Variants in SULT2B1 observed in about 807,000 individuals in gnomAD.
The protein encoded by SULT2B1 is sulfotransferase family 2B member 1, also known as sulfotransferase 2B1.
In SULT2B1, 16 loss-of-function variants were observed where a neutral mutation model predicts 33.2. The observed-to-expected ratio is 0.48, with a 90% CI of 0.33 to 0.73. SULT2B1 has a LOEUF of 0.73. SULT2B1 is among the 30% of genes least tolerant of loss of function. The pLI is 0.02. For synonymous variants in SULT2B1, 186 were observed against 200.5 expected, an observed-to-expected ratio of 0.93 and a Z score of 0.61; for missense variants, 500 against 506.0, an observed-to-expected ratio of 0.99 and a Z score of 0.11.
chr19:48,593,741 T>A (rs1973674285), intron 5 of SULT2B1, among the ~76,000 whole-genome samples: 1 of 149,896 alleles, frequency 6.7e-6, no homozygotes, highest in Non-Finnish European at 1.5e-5. Flanking sequence ...TTCAAGCAAT[T>A]CTCCTGCCTC....
chr19:48,564,665 T>A (rs950713915), intron 1 of SULT2B1, among the ~76,000 whole-genome samples: 30 of 152,096 alleles, frequency 2.0e-4, no homozygotes, highest in African/African-American at 6.3e-4. Flanking sequence ...TGGGGTTTTT[T>A]AAATTTTTAA....
chr19:48,571,243 C>G (rs768877419), intron 1 of SULT2B1, among the ~76,000 whole-genome samples: 9 of 150,682 alleles, frequency 6.0e-5, no homozygotes, highest in Non-Finnish European at 1.3e-4. Context: ...TGTCCCCAGG[C>G]TGGAGTGCAG....
intron 2 of SULT2B1, among the ~76,000 whole-genome samples, chr19:48,576,637 A>G (rs990544725): frequency 1.9e-4 from 21 of 108,664 alleles, no homozygotes; most frequent in African/African-American, 7.2e-4. Flanking sequence ...ACCAAATTGT[A>G]TACTTTTTTT....
chr19:48,579,636 C>T (rs1344763266), intron 2 of SULT2B1, among the ~76,000 whole-genome samples: 1 of 100,548 alleles, frequency 9.9e-6, no homozygotes, highest in African/African-American at 3.8e-5. Context: ...GACGAAGTCT[C>T]GCTCTTGTCC....
intron 2 of SULT2B1, among the ~76,000 whole-genome samples, chr19:48,586,539 A>C (rs1401730560): frequency 1.3e-5 from 2 of 152,100 alleles, no homozygotes; most frequent in East Asian, 3.9e-4. Context: ...CGCCACCTAT[A>C]CTTCCTTGGC....
At chr19:48,591,829 G>A (rs182530162) in intron 4 of SULT2B1, 94 bp downstream of exon 4, 12 of 1,399,418 alleles carry the variant, frequency 8.6e-6, no homozygotes, top group Non-Finnish European at 1.1e-5. Flanking sequence ...GAAAGGGAGA[G>A]AGACAGAGAC....
chr19:48,599,006 G>A lies in SULT2B1; in HGVS notation c.827-129G>A. The A allele has an allele frequency of 4.1e-6, 6 of 1,447,752 alleles. No homozygotes were observed. In the South Asian group the frequency reaches 8.4e-5, roughly 20 times the overall value. 89.7% of individuals were successfully genotyped at this position (1,447,752 alleles called of 1,614,324 possible). ...AGGGGGCAATGTGGAGGGTAGGGAG[G>A]ACGGTGTTTCTGGCAAAGGGAACAC... On this transcript the variant is annotated intron_variant, in intron 6 of 6. Transcript: ENST00000201586. This position sits in a 1 kb window ranked among gnomAD's most constrained non-coding sequence, Gnocchi z 4.1.
chr19:48,588,963 G>C (rs1240344074), intron 3 of SULT2B1, among the ~76,000 whole-genome samples: 1 of 152,218 alleles, frequency 6.6e-6, no homozygotes, highest in African/African-American at 2.4e-5. Flanking sequence ...GTGCAGGGCC[G>C]CGTGGGCCCG....
At chr19:48,578,375 C>T (rs1322040645) in intron 2 of SULT2B1, among the ~76,000 whole-genome samples, 16 of 151,950 alleles carry the variant, frequency 1.1e-4, no homozygotes, top group East Asian at 5.8e-4. Context: ...TGAGCCTAGG[C>T]GTTCGAGAGC....
chr19:48,562,604 TTTA>T (rs558527315), intron 1 of SULT2B1, among the ~76,000 whole-genome samples: 157 of 152,178 alleles, frequency 1.0e-3, no homozygotes, highest in Non-Finnish European at 1.6e-3. Context: ...TATATGGATT[TTTA>T]TTATTATTAT....
chr19:48,577,352 CTTTT>C (rs1209521675), intron 2 of SULT2B1, among the ~76,000 whole-genome samples: 3 of 30,632 alleles, frequency 9.8e-5, no homozygotes, highest in African/African-American at 1.3e-4. Context: ...ACTGAGCCGT[CTTTT>C]TTTTTTTTTT....
At chr19:48,597,878 C>T (rs1366136418) in intron 6 of SULT2B1, among the ~76,000 whole-genome samples, 2 of 151,842 alleles carry the variant, frequency 1.3e-5, no homozygotes, top group Non-Finnish European at 2.9e-5. Flanking sequence ...CTCCTGACCA[C>T]CCGCCTCTTC....
At chr19:48,568,992 C>T (rs550957755) in intron 1 of SULT2B1, among the ~76,000 whole-genome samples, 2 of 152,272 alleles carry the variant, frequency 1.3e-5, no homozygotes, top group African/African-American at 4.8e-5. Context: ...CTCCCTGACG[C>T]CACCGTTCTA....
At chr19:48,589,128 C>T (rs1419779811) in intron 3 of SULT2B1, among the ~76,000 whole-genome samples, 1 of 152,112 alleles carries the variant, frequency 6.6e-6, no homozygotes, top group Non-Finnish European at 1.5e-5. Flanking sequence ...CGAGAGGCGG[C>T]GCTGGCCGGG....
At chr19:48,568,318 G>T (rs927931888) in intron 1 of SULT2B1, among the ~76,000 whole-genome samples, 1 of 151,444 alleles carries the variant, frequency 6.6e-6, no homozygotes, top group African/African-American at 2.4e-5. Context: ...AAAAAGGGCC[G>T]CAAAGGAGGC....
intron 1 of SULT2B1, among the ~76,000 whole-genome samples, chr19:48,569,361 A>AATAT (rs1568405757): frequency 2.0e-4 from 2 of 9,968 alleles, no homozygotes; most frequent in African/African-American, 9.7e-4. Flanking sequence ...AAAAAAAAAA[A>AATAT]ACATATATAT....
intron 3 of SULT2B1, 125 bp from the exon 4 acceptor site, chr19:48,591,484 A>G: frequency 1.8e-6 from 2 of 1,090,756 alleles, no homozygotes; most frequent in Non-Finnish European, 2.5e-6. Context: ...AAAAAAAAAG[A>G]GTCTGCCCTG....
Position 48,569,359 on chromosome 19 carries a change from A to ATATAT in SULT2B1, c.72-6582_72-6581insTATAT, listed in dbSNP as rs1568405746. ...TCCGTCTCAAAAAAAAAAAAAAAAAAAAACATATATATATATATATATATA... is the reference window on the plus strand; with the variant it reads ...TCCGTCTCAAAAAAAAAAAAAAAAAATATATAAACATATATATATATATATATATA... On this transcript the variant is annotated intron_variant, in intron 1 of 6. Transcript: ENST00000201586. Among the ~76,000 whole-genome samples, 28 of 15,072 alleles carry ATATAT rather than the reference A, an allele frequency of 1.9e-3. 1 individual carries two copies. Among genetic ancestry groups the ATATAT allele is most frequent in the African/African-American group, 0.011 (24 of 2,176 alleles). The allele number at this position is 15,072 out of a possible 152,430, so 9.9% of individuals were successfully genotyped here.
intron 6 of SULT2B1, among the ~76,000 whole-genome samples, chr19:48,597,214 C>T (rs1014478787): frequency 6.6e-5 from 10 of 152,244 alleles, no homozygotes; most frequent in East Asian, 5.8e-4. Context: ...TCCTCCTCGA[C>T]GGCCATGTTC....
Sources: gnomAD v4.1 joint callset for allele counts (sites outside exome capture counted in the v4.1 genomes callset) on GRCh38, gnomAD v4.1.1 for gene constraint, Gnocchi (gnomAD v3.1) non-coding constraint, MANE v1.5 for transcripts, NCBI Gene and HGNC (gene_info 2026-07-23, HGNC 2026-07-21) for gene names.